Variants in LTBP3 observed in about 807,000 individuals in gnomAD.
The protein encoded by LTBP3 is latent-transforming growth factor beta-binding protein 3.
In LTBP3, 97 loss-of-function variants were observed where a neutral mutation model predicts 159.7. The observed-to-expected ratio is 0.61, with a 90% CI of 0.52 to 0.72. The LOEUF is 0.72. Ranked by LOEUF, LTBP3 falls within the 30% of genes least tolerant of loss-of-function variation. The pLI is 0.00. For missense variants in LTBP3, 1,584 were observed against 1,864.3 expected (o/e 0.85, Z 2.77); for synonymous variants, 824 against 777.1 (o/e 1.06, Z -1.00).
chr11:65,552,777 C>T lies in LTBP3; in HGVS notation c.1186+83G>A. Reference sequence around the variant, plus strand: ...GTTCCTCCTGCAGTCAACCCTTAACCCCACTCTGATCTCTTGCGATCTCTG... The same window carrying T: ...GTTCCTCCTGCAGTCAACCCTTAACTCCACTCTGATCTCTTGCGATCTCTG... On this transcript the variant is annotated intron_variant, in intron 6 of 27. Coordinates refer to ENST00000301873, the MANE Select transcript of LTBP3 (RefSeq NM_001130144.3). This position sits in a 1 kb window ranked among gnomAD's most constrained non-coding sequence, Gnocchi z 6.0. 1 of 1,601,120 alleles carries T rather than the reference C, an allele frequency of 6.2e-7. No individual in the cohort carries two copies. Among genetic ancestry groups the T allele is most frequent in the Admixed American group, 1.7e-5 (1 of 59,922 alleles).
At chr11:65,548,110 C>T in intron 11 of LTBP3, 65 bp from the exon 12 acceptor site, 2 of 1,609,316 alleles carry the variant, frequency 1.2e-6, no homozygotes, top group Non-Finnish European at 8.5e-7. Context: ...ATCCCCAGGG[C>T]AGACCTCAAC....
In LTBP3 at chr11:65,547,276, G is replaced by A. The variant is rs1410037080; in HGVS notation, c.2107+163C>T. ...GGAGAATCGCTTGAACCCGGGAGGC[G>A]GAGGTTGCAGTGAGCCAAGATCTCA... is the stretch of plus-strand genomic sequence containing the variant. On this transcript the variant is annotated intron_variant, in intron 14 of 27. Transcript: ENST00000301873. The surrounding 1 kb of genome is among the most constrained non-coding windows in gnomAD (Gnocchi z 4.6). Among the ~76,000 whole-genome samples the A allele has an allele frequency of 1.3e-5, 2 of 151,882 alleles. No homozygotes were observed. The highest frequency in any genetic ancestry group is 6.6e-5 in the Admixed American group (1 of 15,258).
rs992474596 is a variant in LTBP3 at position 65,546,678 on chromosome 11, C to T, written c.2231-114G>A. ...CGGGGTTGAGAGGGCAGCCTCTACT[C>T]CCGGAAGGCCCCGCCCCCAGACGCC... is the stretch of plus-strand genomic sequence containing the variant. On this transcript the variant is annotated intron_variant, in intron 15 of 27. Transcript: ENST00000301873. This position sits in a 1 kb window ranked among gnomAD's most constrained non-coding sequence, Gnocchi z 4.0. 3 of 1,541,436 alleles carry T rather than the reference C, an allele frequency of 1.9e-6. No individual in the cohort carries two copies. In the African/African-American group the frequency reaches 4.1e-5, roughly 21 times the overall value.
At position 65,553,767 on chromosome 11, in the gene LTBP3, C is replaced by A; in HGVS notation, c.798G>T (p.Ser266=). Residue 266 remains serine (S), a synonymous_variant, in exon 3 of 28, where the codon TCG becomes TCT. Coordinates refer to ENST00000301873, the MANE Select transcript of LTBP3 (RefSeq NM_001130144.3). This position sits in a 1 kb window ranked among gnomAD's most constrained non-coding sequence, Gnocchi z 6.5. ...SQHLLPHPKP[S]HPRPPTQKPL... ...GCTTCTGGGTGGGCGGCCGGGGGTG[C>A]GAGGGCTTGGGGTGCGGCAGCAGGT... The A allele has an allele frequency of 6.4e-7, 1 of 1,571,486 alleles. No individual in the cohort carries two copies. Among genetic ancestry groups the A allele is most frequent in the Admixed American group, 1.8e-5 (1 of 55,780 alleles).
chr11:65,546,721 C>A lies in LTBP3; in HGVS notation c.2230+77G>T. The stretch of plus-strand genomic sequence containing the variant: ...CAGACGCCAATCACCACCGCTACCC[C>A]GCCCCGCCCCCAGCGGAGCCAGACT... On this transcript the variant is annotated intron_variant, in intron 15 of 27. Transcript: ENST00000301873. The surrounding 1 kb of genome is among the most constrained non-coding windows in gnomAD (Gnocchi z 4.0). 1 of 1,531,720 alleles carries A rather than the reference C, an allele frequency of 6.5e-7. No homozygotes were observed. Among genetic ancestry groups the A allele is most frequent in the South Asian group, 1.2e-5 (1 of 85,908 alleles). 94.9% of individuals were successfully genotyped at this position (1,531,720 alleles called of 1,614,324 possible).
In LTBP3 at chr11:65,554,299, C is replaced by T. The variant is rs1283926758; in HGVS notation, c.413G>A (p.Arg138His). The T allele has an allele frequency of 6.2e-7, 1 of 1,611,684 alleles. No individual in the cohort carries two copies. The highest frequency in any genetic ancestry group is 1.1e-5 in the South Asian group (1 of 90,968). The change falls in exon 2 of 28, where the codon CGC becomes CAC. Residue 138 changes from arginine (R) to histidine (H), a missense_variant. Coordinates refer to ENST00000301873, the MANE Select transcript of LTBP3 (RefSeq NM_001130144.3). The surrounding 1 kb of genome is among the most constrained non-coding windows in gnomAD (Gnocchi z 5.3). ...TCCTCCTGCGGGCACCTGGCAGAAG[C>T]GCCCAGTGAAGTCCGGGGGACACAG... is the stretch of plus-strand genomic sequence containing the variant. ...QCLCPPDFTG[R>H]FCQVPAGGAG...
intron 18 of LTBP3, chr11:65,542,104 A>C: frequency 3.0e-6 from 1 of 331,944 alleles, no homozygotes; most frequent in South Asian, 2.5e-5. Flanking sequence ...AGCTCCTTCC[A>C]GATCTCTATG....
chr11:65,547,388 T>C lies in LTBP3; in HGVS notation c.2107+51A>G. 1 of 1,592,190 alleles carries C rather than the reference T, an allele frequency of 6.3e-7. No individual in the cohort carries two copies. The highest frequency in any genetic ancestry group is 1.7e-4 in the Middle Eastern group (1 of 5,834). Reference sequence around the variant, plus strand: ...GCAGGCACCCCAGCCCCACCCCAGGTGGAGAGACAGCTAAGGAGCTCCTTC... The same window carrying C: ...GCAGGCACCCCAGCCCCACCCCAGGCGGAGAGACAGCTAAGGAGCTCCTTC... On this transcript the variant is annotated intron_variant, in intron 14 of 27. Coordinates refer to ENST00000301873, the MANE Select transcript of LTBP3 (RefSeq NM_001130144.3). The surrounding 1 kb of genome is among the most constrained non-coding windows in gnomAD (Gnocchi z 4.6).
In LTBP3 at chr11:65,538,585, C is replaced by G. The variant is rs1464622540; in HGVS notation, c.*495G>C. The G allele has an allele frequency of 6.2e-7, 1 of 1,605,140 alleles. No individual in the cohort carries two copies. Among genetic ancestry groups the G allele is most frequent in the Admixed American group, 1.7e-5 (1 of 59,628 alleles). Reference sequence around the variant, plus strand: ...GGACTGAACCGTGGCGGTGGCCCTTCCCGGCTGCGGAGAGCCCGCCCCACA... The same window carrying G: ...GGACTGAACCGTGGCGGTGGCCCTTGCCGGCTGCGGAGAGCCCGCCCCACA... On this transcript the variant is annotated 3_prime_UTR_variant, in exon 28 of 28. Coordinates refer to ENST00000301873, the MANE Select transcript of LTBP3 (RefSeq NM_001130144.3).
rs1421006204 is a variant in LTBP3 at position 65,554,176 on chromosome 11, A to G, written c.536T>C (p.Val179Ala). The G allele has an allele frequency of 2.5e-6, 4 of 1,611,720 alleles. No individual in the cohort carries two copies. In the African/African-American group the frequency reaches 4.0e-5, roughly 16 times the overall value. The change falls in exon 2 of 28, where the codon GTG becomes GCG. Residue 179 changes from valine (V) to alanine (A), a missense_variant. Physicochemically the swap from Val to Ala is moderately conservative, Grantham distance 64. Transcript: ENST00000301873. The surrounding 1 kb of genome is among the most constrained non-coding windows in gnomAD (Gnocchi z 5.3). ...GGCGTAGATGGCGTGCTTGCTGGCC[A>G]CAGAGTCGCCCTCCGGAGCCAGGGG... ...LPPLAPEGDS[V>A]ASKHAIYAVQ...
rs1020894781 is a variant in LTBP3 at position 65,539,216 on chromosome 11, C to T, written c.3776G>A (p.Arg1259Gln). The change falls in exon 28 of 28, where the codon CGA (arginine) becomes CAA (glutamine). Residue 1259 changes from arginine to glutamine, a missense_variant. Physicochemically the swap from Arg to Gln is conservative, Grantham distance 43. Around this residue, in one of 6 missense-constraint regions of LTBP3, gnomAD observed 514 missense variants for 530.3 expected, o/e 0.97. Coordinates refer to ENST00000301873, the MANE Select transcript of LTBP3 (RefSeq NM_001130144.3). ...RARCVDIDEC[R>Q]ELNQRGLLCK... ...CAGCAGCCCGCGCTGGTTCAGCTCT[C>T]GGCACTCGTCGATATCTGAAGGTGA... The T allele has an allele frequency of 3.9e-6, 6 of 1,526,452 alleles. No individual in the cohort carries two copies. The African/African-American group carries it at 4.2e-5, about 11-fold the overall frequency. The allele number at this position is 1,526,452 out of a possible 1,614,324, so 94.6% of individuals were successfully genotyped here.
Position 65,554,181 on chromosome 11 carries a change from G to A in LTBP3, c.531C>T (p.Asp177=), listed in dbSNP as rs777775387. 47 of 1,611,620 alleles carry A rather than the reference G, an allele frequency of 2.9e-5. No homozygotes were observed. The highest frequency in any genetic ancestry group is 3.9e-5 in the Non-Finnish European group (46 of 1,179,580). ...AGATGGCGTGCTTGCTGGCCACAGA[G>A]TCGCCCTCCGGAGCCAGGGGCGGCA... ...GALPPLAPEG[D]SVASKHAIYA... The change falls in exon 2 of 28, where the codon GAC becomes GAT. Residue 177 remains aspartate, a synonymous_variant. Transcript: ENST00000301873. This position sits in a 1 kb window ranked among gnomAD's most constrained non-coding sequence, Gnocchi z 5.3.
rs745765954 is a variant in LTBP3 at position 65,540,511 on chromosome 11, G to A, written c.3081C>T (p.Tyr1027=). Residue 1027 remains tyrosine (Y), a synonymous_variant, in exon 22 of 28, where the codon TAC becomes TAT. Coordinates refer to ENST00000301873, the MANE Select transcript of LTBP3 (RefSeq NM_001130144.3). ...CCACGCATTCCAGCAGGTTCCCGTCGTAGTAGAAGCCCTGCTTGCAGTAGC... is the reference window on the plus strand; with the variant it reads ...CCACGCATTCCAGCAGGTTCCCGTCATAGTAGAAGCCCTGCTTGCAGTAGC... ...YECYCKQGFY[Y]DGNLLECVDV... 8.7e-6 allele frequency: 14 copies of A among 1,613,660 alleles called. No homozygotes were observed. The highest frequency in any genetic ancestry group is 1.2e-5 in the Non-Finnish European group (14 of 1,179,886).
At position 65,554,417 on chromosome 11, in the gene LTBP3, C is replaced by A. The variant is rs1341779392; in HGVS notation, c.332-37G>T. Reference sequence around the variant, plus strand: ...AGTGGGGTCAGGCCCTCACCCACATCCTGTCTCTTTCCCCTCCTCCCTACT... The same window carrying A: ...AGTGGGGTCAGGCCCTCACCCACATACTGTCTCTTTCCCCTCCTCCCTACT... On this transcript the variant is annotated intron_variant, in intron 1 of 27. Coordinates refer to ENST00000301873, the MANE Select transcript of LTBP3 (RefSeq NM_001130144.3). This position sits in a 1 kb window ranked among gnomAD's most constrained non-coding sequence, Gnocchi z 5.3. 25 of 1,542,850 alleles carry A rather than the reference C, an allele frequency of 1.6e-5. No homozygotes were observed. Among genetic ancestry groups the A allele is most frequent in the Non-Finnish European group, 2.0e-5 (23 of 1,128,252 alleles).
intron 8 of LTBP3, 48 bp downstream of exon 8, chr11:65,551,924 G>A (rs1218353569): frequency 4.4e-6 from 7 of 1,595,066 alleles, no homozygotes; most frequent in Non-Finnish European, 6.0e-6. Flanking sequence ...AAGGGGTCAG[G>A]CCTAGGGGCT....
chr11:65,540,721 G>GGGGCGGGGCCTACAGGAC (rs1856086379), intron 21 of LTBP3, 107 bp from the exon 22 acceptor site: 7 of 1,564,776 alleles, frequency 4.5e-6, no homozygotes, highest in Non-Finnish European at 6.1e-6. Context: ...GCCTACAGGA[G>GGGGCGGGGCCTACAGGAC]GGGCGGGGCC....
In LTBP3 at chr11:65,541,271, C is replaced by T. The variant is rs1319192789; in HGVS notation, c.2748G>A (p.Lys916=). Residue 916 remains lysine, a synonymous_variant, in exon 20 of 28, where the codon AAG becomes AAA. Transcript: ENST00000301873. ...CATCGAAGTTCAGGTAGCACTCCTTCTTGTGGTGGGGCTGCTCCACCTCTG... is the reference window on the plus strand; with the variant it reads ...CATCGAAGTTCAGGTAGCACTCCTTTTTGTGGTGGGGCTGCTCCACCTCTG... ...GCEEVEQPHH[K]KECYLNFDDT... 1 of 1,612,600 alleles carries T rather than the reference C, an allele frequency of 6.2e-7. No homozygotes were observed. Among genetic ancestry groups the T allele is most frequent in the South Asian group, 1.1e-5 (1 of 91,060 alleles).
At position 65,552,830 on chromosome 11, in the gene LTBP3, C is replaced by T. The variant is rs759089684; in HGVS notation, c.1186+30G>A. ...CCTTGCTCCCACCCATGCCTTGTGA[C>T]CTCCCAGGAACCTGAGCCCCAGGTC... On this transcript the variant is annotated intron_variant, in intron 6 of 27. Coordinates refer to ENST00000301873, the MANE Select transcript of LTBP3 (RefSeq NM_001130144.3). The surrounding 1 kb of genome is among the most constrained non-coding windows in gnomAD (Gnocchi z 6.0). 6.2e-7 allele frequency: 1 copy of T among 1,613,980 alleles called. No individual in the cohort carries two copies. The highest frequency in any genetic ancestry group is 8.5e-7 in the Non-Finnish European group (1 of 1,179,996).
At position 65,546,585 on chromosome 11, in the gene LTBP3, C is replaced by T; in HGVS notation, c.2231-21G>A. 1.2e-6 allele frequency: 2 copies of T among 1,600,716 alleles called. No homozygotes were observed. The highest frequency in any genetic ancestry group is 1.7e-6 in the Non-Finnish European group (2 of 1,179,336). ...CACGTCTGCGGCGGAAAGACCTAGCCTCGGACTCTGCCCCACCGGAAGGCG... is the reference window on the plus strand; with the variant it reads ...CACGTCTGCGGCGGAAAGACCTAGCTTCGGACTCTGCCCCACCGGAAGGCG... On this transcript the variant is annotated intron_variant, in intron 15 of 27. Transcript: ENST00000301873. This position sits in a 1 kb window ranked among gnomAD's most constrained non-coding sequence, Gnocchi z 4.0.
Sources: gnomAD v4.1 joint callset for allele counts (sites outside exome capture counted in the v4.1 genomes callset) on GRCh38, gnomAD v4.1.1 for gene constraint, gnomAD v4.1.1 regional missense constraint, Gnocchi (gnomAD v3.1) non-coding constraint, MANE v1.5 for transcripts, NCBI Gene and HGNC (gene_info 2026-07-23, HGNC 2026-07-21) for gene names.